The following EPHB2 variants were observed in gnomAD, a reference collection of about 807,000 sequenced individuals.
EPHB2 encodes the protein ephrin type-B receptor 2.
In EPHB2, 18 loss-of-function variants were observed where a neutral mutation model predicts 96.4. The ratio of observed to expected loss-of-function variants is 0.19; its 90% CI spans 0.13 to 0.28. The LOEUF is 0.28. Among genes scored for constraint, EPHB2 ranks in the 10% least tolerant of loss-of-function variants. The pLI, the probability that EPHB2 is intolerant of heterozygous loss-of-function variation, is 1.00. For missense variants in EPHB2, 989 were observed against 1,355.4 expected (o/e 0.73, Z 4.25); for synonymous variants, 506 against 534.1 (o/e 0.95, Z 0.72).
intron 1 of EPHB2, among the ~76,000 whole-genome samples, chr1:22,737,274 T>C (rs1643852139): frequency 1.3e-5 from 2 of 151,920 alleles, no homozygotes. Context: ...CACCACTGAG[T>C]CTTCTAAACT....
At position 22,921,407 on chromosome 1, in the gene EPHB2, A is replaced by G. The variant is rs542390807; in HGVS notation, c.*7837A>G. The G allele has an allele frequency of 5.3e-5, 8 of 152,348 alleles. No homozygotes were observed. In the East Asian group the frequency reaches 9.7e-4, roughly 18 times the overall value. The allele number at this position is 152,348 out of a possible 1,614,324, so 9.4% of individuals were successfully genotyped here. ...AAGGAAATCTCACCAGCTGTGTCCA[A>G]GATCAACCCTGACCCTGTTACTCCA... On this transcript the variant is annotated 3_prime_UTR_variant, in exon 16 of 16. Transcript: ENST00000374630.
At chr1:22,760,754 G>A (rs1210405259) in intron 1 of EPHB2, among the ~76,000 whole-genome samples, 2 of 152,094 alleles carry the variant, frequency 1.3e-5, no homozygotes, top group African/African-American at 4.8e-5. Flanking sequence ...TCTGCTCCAG[G>A]GGCCTCCCCA....
At chr1:22,865,897 C>T (rs1237530639) in intron 5 of EPHB2, among the ~76,000 whole-genome samples, 3 of 152,158 alleles carry the variant, frequency 2.0e-5, no homozygotes, top group Non-Finnish European at 4.4e-5. Flanking sequence ...CTTTAGTAAC[C>T]TTTTCTGTGG....
chr1:22,853,025 C>A (rs1396610196), intron 3 of EPHB2, among the ~76,000 whole-genome samples: 1 of 152,228 alleles, frequency 6.6e-6, no homozygotes, highest in Non-Finnish European at 1.5e-5. Flanking sequence ...AATCTCCAGT[C>A]CACACACAAG....
chr1:22,905,924 GCTTTTCCT>G, intron 9 of EPHB2, 55 bp from the exon 10 acceptor site: 1 of 1,612,794 alleles, frequency 6.2e-7, no homozygotes, highest in African/African-American at 1.3e-5. Context: ...ACTGGCTCCC[GCTTTTCCT>G]TTTTGTGTGC....
intron 1 of EPHB2, among the ~76,000 whole-genome samples, chr1:22,763,190 C>T (rs1011496926): frequency 1.3e-5 from 2 of 152,180 alleles, no homozygotes; most frequent in Non-Finnish European, 1.5e-5. Context: ...CTACATCCTG[C>T]GGGATGGCCT....
chr1:22,795,744 G>A (rs938008650), intron 3 of EPHB2, among the ~76,000 whole-genome samples: 1 of 152,136 alleles, frequency 6.6e-6, no homozygotes, highest in African/African-American at 2.4e-5. Context: ...CTTTCTCAGC[G>A]TCCCATATAC....
At position 22,792,919 on chromosome 1, in the gene EPHB2, C is replaced by G. The variant is rs999185685; in HGVS notation, c.811+7843C>G. Among the ~76,000 whole-genome samples the G allele has an allele frequency of 1.1e-4, 16 of 152,198 alleles. No homozygotes were observed. In the East Asian group the frequency reaches 3.1e-3, roughly 29 times the overall value. Reference sequence around the variant, plus strand: ...GAGGCACCCAGCCCATCCAGGGGAGCGTCAGCCAGGAACAGGCGGTCAGAG... The same window carrying G: ...GAGGCACCCAGCCCATCCAGGGGAGGGTCAGCCAGGAACAGGCGGTCAGAG... On this transcript the variant is annotated intron_variant, in intron 3 of 15. Transcript: ENST00000374630.
At chr1:22,739,425 A>G (rs759097008) in intron 1 of EPHB2, among the ~76,000 whole-genome samples, 2 of 152,166 alleles carry the variant, frequency 1.3e-5, no homozygotes, top group Non-Finnish European at 2.9e-5. Flanking sequence ...CTTGTTGGCC[A>G]GGCTGGTCTC....
intron 3 of EPHB2, among the ~76,000 whole-genome samples, chr1:22,785,726 G>C (rs1434156131): frequency 6.6e-6 from 1 of 152,216 alleles, no homozygotes; most frequent in Non-Finnish European, 1.5e-5. Context: ...CACATTTCAC[G>C]GGCCAAAGCA....
intron 1 of EPHB2, among the ~76,000 whole-genome samples, chr1:22,748,141 A>G (rs6426765): frequency 0.99 from 150,571 of 152,336 alleles, 74,440 homozygotes; most frequent in Middle Eastern, 1. Context: ...TAATCTTATC[A>G]ATTTCACTGG....
chr1:22,741,418 C>T (rs902590305), intron 1 of EPHB2, among the ~76,000 whole-genome samples: 1 of 152,136 alleles, frequency 6.6e-6, no homozygotes, highest in Non-Finnish European at 1.5e-5. Context: ...GCCCCCTAGT[C>T]TCCCTCTTAT....
At chr1:22,781,947 A>C (rs1194696073) in intron 2 of EPHB2, among the ~76,000 whole-genome samples, 1 of 152,124 alleles carries the variant, frequency 6.6e-6, no homozygotes, top group Non-Finnish European at 1.5e-5. Flanking sequence ...ATAGATAATA[A>C]GTGAAAGGGC....
At chr1:22,864,714 G>C (rs1254112113) in intron 4 of EPHB2, among the ~76,000 whole-genome samples, 163 bp from the exon 5 acceptor site, 1 of 152,214 alleles carries the variant, frequency 6.6e-6, no homozygotes, top group Non-Finnish European at 1.5e-5. Context: ...TGTACAGCAG[G>C]CTAACTTGTA....
At chr1:22,798,506 CCTT>C (rs763613870) in intron 3 of EPHB2, among the ~76,000 whole-genome samples, 6 of 152,074 alleles carry the variant, frequency 3.9e-5, no homozygotes, top group Non-Finnish European at 8.8e-5. Flanking sequence ...GCTCCTGCTC[CCTT>C]CTTTGCCCTG....
At chr1:22,785,180 AC>A in intron 3 of EPHB2, 104 bp downstream of exon 3, 1 of 1,394,748 alleles carries the variant, frequency 7.2e-7, no homozygotes, top group Non-Finnish European at 9.7e-7. Context: ...CTTAGAGCTG[AC>A]CATGAGGCAC....
chr1:22,912,032 A>T (rs1440200272), intron 14 of EPHB2, among the ~76,000 whole-genome samples: 2 of 152,174 alleles, frequency 1.3e-5, no homozygotes, highest in African/African-American at 4.8e-5. Context: ...GTGGAGAAGG[A>T]TGGAGAATGG....
At chr1:22,737,517 T>C (rs1435237356) in intron 1 of EPHB2, among the ~76,000 whole-genome samples, 2 of 152,206 alleles carry the variant, frequency 1.3e-5, no homozygotes, top group Admixed American at 1.3e-4. Flanking sequence ...CTGCCTAGAA[T>C]GAATGCCCTT....
At chr1:22,828,640 C>T (rs17435615) in intron 3 of EPHB2, among the ~76,000 whole-genome samples, 2 of 151,836 alleles carry the variant, frequency 1.3e-5, no homozygotes, top group Non-Finnish European at 2.9e-5. Flanking sequence ...TCACAGTCAC[C>T]GCCTGTCACG....
Sources: gnomAD v4.1 joint callset for allele counts (sites outside exome capture counted in the v4.1 genomes callset) on GRCh38, gnomAD v4.1.1 for gene constraint, MANE v1.5 for transcripts, NCBI Gene and HGNC (gene_info 2026-07-23, HGNC 2026-07-21) for gene names.